The following CTNND2 variants were observed in gnomAD, a reference collection of about 807,000 sequenced individuals.
The protein encoded by CTNND2 is catenin delta 2.
In CTNND2, 22 loss-of-function variants were observed where a neutral mutation model predicts 144.4. The observed-to-expected ratio is 0.15, with a 90% confidence interval of 0.11 to 0.22. The LOEUF (loss-of-function observed/expected upper bound fraction) is 0.22. CTNND2 is among the 10% of genes least tolerant of loss of function. The pLI is 1.00. For synonymous variants in CTNND2, 751 were observed against 695.6 expected, an observed-to-expected ratio of 1.08 and a Z score of -1.25; for missense variants, 1,353 against 1,618.8, an observed-to-expected ratio of 0.84 and a Z score of 2.82.
chr5:11,563,455 T>C (rs1776831869), intron 3 of CTNND2, among the ~76,000 whole-genome samples: 1 of 152,216 alleles, frequency 6.6e-6, no homozygotes, highest in Non-Finnish European at 1.5e-5. Flanking sequence ...TTTTTCTCTC[T>C]CCCTAAATTC....
intron 10 of CTNND2, 106 bp downstream of exon 10, chr5:11,236,585 A>T: frequency 8.0e-7 from 1 of 1,243,348 alleles, no homozygotes; most frequent in Non-Finnish European, 1.1e-6. Flanking sequence ...TCTAAATTTT[A>T]AAAGCATAAC....
intron 9 of CTNND2, among the ~76,000 whole-genome samples, chr5:11,298,286 T>G (rs1319637049): frequency 6.6e-6 from 1 of 152,156 alleles, no homozygotes; most frequent in Non-Finnish European, 1.5e-5. Context: ...TCCTCCCACC[T>G]CAGCCCCCTG....
chr5:11,697,982 C>T (rs996430886), intron 2 of CTNND2, among the ~76,000 whole-genome samples: 6 of 152,126 alleles, frequency 3.9e-5, no homozygotes, highest in Admixed American at 3.9e-4. Context: ...CAGATAGGAC[C>T]TTGCTTTTAT....
chr5:11,531,266 A>G (rs1360580956), intron 3 of CTNND2, among the ~76,000 whole-genome samples: 2 of 152,174 alleles, frequency 1.3e-5, no homozygotes, highest in East Asian at 3.9e-4. Flanking sequence ...AAAGGACCCT[A>G]CACAGGTGAG....
intron 18 of CTNND2, among the ~76,000 whole-genome samples, chr5:11,002,378 C>A (rs1282871519): frequency 2.0e-5 from 3 of 152,206 alleles, no homozygotes; most frequent in South Asian, 4.1e-4. Context: ...GACATCCTGC[C>A]ATTTTGAGTT....
chr5:11,399,700 C>A (rs893745378), intron 5 of CTNND2, among the ~76,000 whole-genome samples: 3 of 152,112 alleles, frequency 2.0e-5, no homozygotes, highest in African/African-American at 7.2e-5. Context: ...TGAAAAGTAA[C>A]CAGGATTTTC....
At chr5:11,041,285 T>C (rs1195207673) in intron 16 of CTNND2, among the ~76,000 whole-genome samples, 1 of 152,252 alleles carries the variant, frequency 6.6e-6, no homozygotes, top group Non-Finnish European at 1.5e-5. Context: ...GTGTTCTAAC[T>C]TTTTTAAGAA....
At chr5:11,688,730 T>C (rs1461024431) in intron 2 of CTNND2, among the ~76,000 whole-genome samples, 2 of 152,182 alleles carry the variant, frequency 1.3e-5, no homozygotes, top group Admixed American at 6.5e-5. Flanking sequence ...AGGGCCCTGA[T>C]GCTTGTAAAG....
chr5:11,072,336 A>C (rs1291813354), intron 16 of CTNND2, among the ~76,000 whole-genome samples: 1 of 152,230 alleles, frequency 6.6e-6, no homozygotes, highest in Non-Finnish European at 1.5e-5. Context: ...AGCCTACATC[A>C]AATGATAAGA....
intron 9 of CTNND2, among the ~76,000 whole-genome samples, chr5:11,286,549 A>C (rs1747774950): frequency 6.6e-6 from 1 of 152,238 alleles, no homozygotes; most frequent in African/African-American, 2.4e-5. Flanking sequence ...AGCCAACAGT[A>C]AAATGGGGAC....
At chr5:11,631,199 C>G (rs1464118787) in intron 2 of CTNND2, among the ~76,000 whole-genome samples, 1 of 152,092 alleles carries the variant, frequency 6.6e-6, no homozygotes, top group Admixed American at 6.6e-5. Context: ...TATAAGACTA[C>G]TTTTCACATT....
intron 1 of CTNND2, among the ~76,000 whole-genome samples, chr5:11,761,616 T>A (rs1013262322): frequency 6.6e-6 from 1 of 152,176 alleles, no homozygotes; most frequent in Non-Finnish European, 1.5e-5. Flanking sequence ...TAAATTTGTA[T>A]CATAATATTT....
rs1775267169 is a variant in CTNND2, at chr5:11,546,729, G to A, written c.287+18215C>T. ...CTAAATTTCACTGAATAACATTTGA[G>A]AAGAATTAAATGGACATCAAGTTCA... On this transcript the variant is annotated intron_variant, in intron 3 of 21. Transcript: ENST00000304623. 2.6e-5 allele frequency among the ~76,000 whole-genome samples: 4 copies of A among 152,076 alleles called. No homozygotes were observed. The South Asian group carries it at 8.3e-4, about 31-fold the overall frequency.
intron 1 of CTNND2, among the ~76,000 whole-genome samples, chr5:11,774,815 C>T (rs1790161076): frequency 6.6e-6 from 1 of 152,146 alleles, no homozygotes; most frequent in Non-Finnish European, 1.5e-5. Flanking sequence ...CAGGTAACTG[C>T]ACATTAGTAC....
chr5:11,707,008 C>A (rs527521627), intron 2 of CTNND2, among the ~76,000 whole-genome samples: 1 of 151,716 alleles, frequency 6.6e-6, no homozygotes, highest in Non-Finnish European at 1.5e-5. Flanking sequence ...ATGGTGTGAA[C>A]CCAGGAGGCG....
chr5:11,856,119 A>G (rs913663705), intron 1 of CTNND2, among the ~76,000 whole-genome samples: 2 of 152,218 alleles, frequency 1.3e-5, no homozygotes, highest in African/African-American at 4.8e-5. Flanking sequence ...AAACTGGGAG[A>G]GACAAAAAGA....
chr5:11,868,469 C>T (rs10068151), intron 1 of CTNND2, among the ~76,000 whole-genome samples: 5,359 of 152,188 alleles, frequency 0.035, 298 homozygotes, highest in African/African-American at 0.12. Flanking sequence ...ATGGAGTTTG[C>T]CTGCTCTTTA....
intron 3 of CTNND2, among the ~76,000 whole-genome samples, chr5:11,560,839 C>T (rs1415186937): frequency 1.3e-5 from 2 of 152,204 alleles, no homozygotes; most frequent in East Asian, 3.9e-4. Context: ...CATAGAACTG[C>T]AGAAGTGGGG....
chr5:11,450,570 C>G (rs1365842083), intron 3 of CTNND2, among the ~76,000 whole-genome samples: 1 of 152,124 alleles, frequency 6.6e-6, no homozygotes, highest in Non-Finnish European at 1.5e-5. Flanking sequence ...TAAGACAAAA[C>G]AGGGGTTTCT....
Sources: gnomAD v4.1 joint callset for allele counts (sites outside exome capture counted in the v4.1 genomes callset) on GRCh38, gnomAD v4.1.1 for gene constraint, MANE v1.5 for transcripts, NCBI Gene and HGNC (gene_info 2026-07-23, HGNC 2026-07-21) for gene names.